The following VPS35L variants were observed in gnomAD, a reference collection of about 807,000 sequenced individuals.
VPS35L encodes VPS35 endosomal protein-sorting factor-like.
A neutral mutation model predicts 133.0 loss-of-function variants in VPS35L; 83 were observed. That is an observed-to-expected ratio of 0.62 (90% CI 0.52 to 0.75). VPS35L has a LOEUF of 0.75. Ranked by LOEUF, VPS35L falls within the 30% of genes least tolerant of loss-of-function variation. The pLI, the probability that VPS35L is intolerant of heterozygous loss-of-function variation, is 0.00. For missense variants in VPS35L, 1,083 were observed against 1,206.8 expected, an observed-to-expected ratio of 0.90 and a Z score of 1.52; for synonymous variants, 423 against 449.9, an observed-to-expected ratio of 0.94 and a Z score of 0.76.
At chr16:19,562,885 G>A (rs1971071124) in intron 1 of VPS35L, among the ~76,000 whole-genome samples, 1 of 151,866 alleles carries the variant, frequency 6.6e-6, no homozygotes, top group South Asian at 2.1e-4. Flanking sequence ...CTCTAGAATA[G>A]CTGGGACTAC....
At chr16:19,570,120 G>T (rs1971315925) in intron 3 of VPS35L, among the ~76,000 whole-genome samples, 1 of 151,472 alleles carries the variant, frequency 6.6e-6, no homozygotes, top group Non-Finnish European at 1.5e-5. Flanking sequence ...ACCCAAACTG[G>T]AGTGCAGTGG....
chr16:19,590,150 CCCCCCCA>C (rs1346614658), intron 7 of VPS35L, among the ~76,000 whole-genome samples: 1 of 110,850 alleles, frequency 9.0e-6, no homozygotes, highest in Admixed American at 9.0e-5. Context: ...CCCCCCCCCC[CCCCCCCA>C]CAAATAACAT....
intron 6 of VPS35L, 64 bp downstream of exon 6, chr16:19,579,192 A>G (rs570941835): frequency 2.1e-6 from 3 of 1,459,228 alleles, no homozygotes; most frequent in East Asian, 4.6e-5. Flanking sequence ...GCCAAGTGAG[A>G]TCAACCTCGG....
chr16:19,577,718 T>G (rs1007392271), intron 5 of VPS35L, among the ~76,000 whole-genome samples: 1 of 151,762 alleles, frequency 6.6e-6, no homozygotes, highest in African/African-American at 2.4e-5. Flanking sequence ...GGTGATTAGG[T>G]CATGAGGGTG....
chr16:19,645,105 C>G (rs57587178), intron 23 of VPS35L, among the ~76,000 whole-genome samples, 156 bp downstream of exon 23: 3,976 of 151,962 alleles, frequency 0.026, 92 homozygotes, highest in African/African-American at 0.057. Context: ...GCCAGGACTC[C>G]CCTGGGGGCA....
At chr16:19,658,258 G>C (rs772825626) in intron 26 of VPS35L, among the ~76,000 whole-genome samples, 7 of 152,174 alleles carry the variant, frequency 4.6e-5, no homozygotes, top group Non-Finnish European at 8.8e-5. Context: ...GGCTGGGCGC[G>C]GTGGCTCAGA....
intron 22 of VPS35L, 44 bp downstream of exon 22, chr16:19,642,520 A>C: frequency 6.6e-7 from 1 of 1,511,004 alleles, no homozygotes; most frequent in Non-Finnish European, 9.2e-7. Flanking sequence ...ATTGGGTCTT[A>C]ATGCCACCTA....
At chr16:19,585,258 G>T (rs1224974357) in intron 7 of VPS35L, among the ~76,000 whole-genome samples, 1 of 152,156 alleles carries the variant, frequency 6.6e-6, no homozygotes, top group Non-Finnish European at 1.5e-5. Flanking sequence ...GAATGGAATT[G>T]CTGGGTCATA....
chr16:19,592,466 C>T lies in VPS35L; in HGVS notation c.724+592C>T, dbSNP rs142459316. On this transcript the variant is annotated intron_variant, in intron 8 of 30. Transcript: ENST00000417362. ...GCACTAAGCAGCATGGGTCCCTTGC[C>T]GTCTCACAGGCACCTGAAACTGAAC... Among the ~76,000 whole-genome samples the T allele has an allele frequency of 5.2e-4, 79 of 152,082 alleles. 1 individual carries two copies. In the East Asian group the frequency reaches 0.014, roughly 26 times the overall value.
In VPS35L at chr16:19,647,748, C is replaced by T. The variant is rs746319725; in HGVS notation, c.1930-36C>T. The T allele has an allele frequency of 1.0e-5, 16 of 1,525,174 alleles. No individual in the cohort carries two copies. In the African/African-American group the frequency reaches 1.9e-4, roughly 18 times the overall value. 94.5% of individuals were successfully genotyped at this position (1,525,174 alleles called of 1,614,324 possible). ...GTGCCTGCGTTCTCTCTAAAAATAC[C>T]ACTGTCCCTTTCAGCGTCTTTCTCC... On this transcript the variant is annotated intron_variant, in intron 23 of 30. Transcript: ENST00000417362.
chr16:19,654,946 T>C (rs1974251902), intron 26 of VPS35L, among the ~76,000 whole-genome samples: 1 of 152,210 alleles, frequency 6.6e-6, no homozygotes, highest in South Asian at 2.1e-4. Flanking sequence ...ATGATAATTT[T>C]TTTTGAAAAA....
At chr16:19,659,334 T>G (rs1974407067) in intron 26 of VPS35L, among the ~76,000 whole-genome samples, 1 of 152,062 alleles carries the variant, frequency 6.6e-6, no homozygotes, top group South Asian at 2.1e-4. Context: ...CCCTTGACAG[T>G]TCAGAGAGTA....
At chr16:19,652,869 TC>T (rs1236415595) in intron 26 of VPS35L, among the ~76,000 whole-genome samples, 5 of 152,204 alleles carry the variant, frequency 3.3e-5, no homozygotes, top group Non-Finnish European at 7.3e-5. Flanking sequence ...GACTGGTCTT[TC>T]CGTACTAGAC....
chr16:19,608,223 G>A lies in VPS35L; in HGVS notation c.830G>A (p.Cys277Tyr). 1 of 1,612,792 alleles carries A rather than the reference G, an allele frequency of 6.2e-7. No homozygotes were observed. Among genetic ancestry groups the A allele is most frequent in the Non-Finnish European group, 8.5e-7 (1 of 1,179,682 alleles). The change falls in exon 10 of 31, where the codon TGC becomes TAC. Residue 277 changes from cysteine (C) to tyrosine (Y), a missense_variant. Physicochemically the swap from Cys to Tyr is radical, Grantham distance 194. Transcript: ENST00000417362. ...ENANDTAKET[C>Y]LNWFFKIASI... ...GCAAATGACACGGCCAAGGAAACAT[G>A]CCTAAATTGGTTTTTCAAGATTGCC...
chr16:19,637,483 T>A (rs546047591), intron 19 of VPS35L, 111 bp from the exon 20 acceptor site: 1 of 674,548 alleles, frequency 1.5e-6, no homozygotes, highest in East Asian at 2.9e-5. Context: ...TTATGAAAGG[T>A]GATTGCCTTT....
At chr16:19,628,271 G>A (rs1220106690) in intron 16 of VPS35L, among the ~76,000 whole-genome samples, 1 of 152,132 alleles carries the variant, frequency 6.6e-6, no homozygotes, top group Non-Finnish European at 1.5e-5. Context: ...GGCTAAGGTG[G>A]GAGAATTGCT....
At chr16:19,646,305 CT>C (rs1002102733) in intron 23 of VPS35L, among the ~76,000 whole-genome samples, 22 of 152,134 alleles carry the variant, frequency 1.4e-4, no homozygotes, top group Non-Finnish European at 3.1e-4. Flanking sequence ...GTTGAGCTCT[CT>C]TACTTGGTGC....
At chr16:19,643,556 G>A (rs1472498983) in intron 22 of VPS35L, among the ~76,000 whole-genome samples, 1 of 152,072 alleles carries the variant, frequency 6.6e-6, no homozygotes, top group Non-Finnish European at 1.5e-5. Context: ...TTTCTTTTAG[G>A]GACAAAGCTG....
intron 2 of VPS35L, among the ~76,000 whole-genome samples, chr16:19,567,630 C>T (rs149955462): frequency 1.9e-4 from 29 of 152,104 alleles, no homozygotes; most frequent in Admixed American, 3.9e-4. Flanking sequence ...CAGCCATCGC[C>T]GGCAGTTGGC....
Sources: allele counts gnomAD v4.1 joint callset (sites outside exome capture counted in the v4.1 genomes callset), GRCh38; gene constraint gnomAD v4.1.1; transcripts MANE v1.5; gene names NCBI Gene and HGNC (gene_info 2026-07-23, HGNC 2026-07-21).